Variants in KCNJ6 observed in about 807,000 individuals in gnomAD.
KCNJ6 encodes G protein-activated inward rectifier potassium channel 2.
In KCNJ6, 9 loss-of-function variants were observed where a neutral mutation model predicts 34.2. The observed-to-expected ratio is 0.26, with a 90% CI of 0.16 to 0.46. KCNJ6 has a LOEUF of 0.46. Among genes scored for constraint, KCNJ6 ranks in the 20% least tolerant of loss-of-function variants. The pLI, the probability that KCNJ6 is intolerant of heterozygous loss-of-function variation, is 1.00. For synonymous variants in KCNJ6, 196 were observed against 207.1 expected, an observed-to-expected ratio of 0.95 and a Z score of 0.46; for missense variants, 236 against 531.3, an observed-to-expected ratio of 0.44 and a Z score of 5.46.
intron 2 of KCNJ6, among the ~76,000 whole-genome samples, chr21:37,839,534 G>A (rs1184881096): frequency 6.6e-6 from 1 of 152,238 alleles, no homozygotes; most frequent in Non-Finnish European, 1.5e-5. Flanking sequence ...ATTAGAGGAG[G>A]AGGAAGGTGC....
At position 37,714,773 on chromosome 21, in the gene KCNJ6, G is replaced by A; in HGVS notation, c.384C>T (p.Ser128=). ...TGAGGTTGGTAACACAAGGAGTCCA[G>A]GAGGGGTCCTCTATGTGGTCCATGT... ...RGDMDHIEDP[S]WTPCVTNLNG... Residue 128 remains serine (S), a synonymous_variant, in exon 3 of 4, where the codon TCC becomes TCT. Coordinates refer to ENST00000609713, the MANE Select transcript of KCNJ6 (RefSeq NM_002240.5). The surrounding 1 kb of genome is among the most constrained non-coding windows in gnomAD (Gnocchi z 5.9). The A allele has an allele frequency of 6.2e-7, 1 of 1,614,202 alleles. No homozygotes were observed. The highest frequency in any genetic ancestry group is 8.5e-7 in the Non-Finnish European group (1 of 1,180,036).
At chr21:37,767,662 T>C (rs1426281499) in intron 2 of KCNJ6, among the ~76,000 whole-genome samples, 1 of 152,212 alleles carries the variant, frequency 6.6e-6, no homozygotes, top group Non-Finnish European at 1.5e-5. Context: ...GGAATTAATT[T>C]AAAATGATTT....
At chr21:37,774,687 T>G (rs1343958374) in intron 2 of KCNJ6, among the ~76,000 whole-genome samples, 1 of 152,224 alleles carries the variant, frequency 6.6e-6, no homozygotes, top group Non-Finnish European at 1.5e-5. Context: ...ACTCATCATG[T>G]GTTATGGCTG....
At chr21:37,666,242 C>G (rs1356686291) in intron 3 of KCNJ6, among the ~76,000 whole-genome samples, 1 of 152,146 alleles carries the variant, frequency 6.6e-6, no homozygotes, top group Non-Finnish European at 1.5e-5. Context: ...CCCAAGAACC[C>G]CTAGTTCTGG....
At chr21:37,672,244 A>G (rs985872862) in intron 3 of KCNJ6, among the ~76,000 whole-genome samples, 22 of 152,256 alleles carry the variant, frequency 1.4e-4, no homozygotes, top group African/African-American at 4.8e-4. Context: ...GCAAAGAAAT[A>G]TAGCTTTAGC....
At chr21:37,837,236 A>G (rs1285380724) in intron 2 of KCNJ6, among the ~76,000 whole-genome samples, 1 of 151,908 alleles carries the variant, frequency 6.6e-6, no homozygotes, top group Admixed American at 6.5e-5. Context: ...TCCTCGTTTC[A>G]ATAATGTGAC....
At chr21:37,677,860 C>T (rs1324769049) in intron 3 of KCNJ6, among the ~76,000 whole-genome samples, 2 of 151,340 alleles carry the variant, frequency 1.3e-5, no homozygotes, top group Non-Finnish European at 2.9e-5. Flanking sequence ...CATTCATCAA[C>T]CCATTCATCA....
intron 2 of KCNJ6, among the ~76,000 whole-genome samples, chr21:37,739,606 C>A (rs565399630): frequency 2.2e-4 from 34 of 152,286 alleles, no homozygotes; most frequent in African/African-American, 8.2e-4. Context: ...GGAGCTGTGG[C>A]TACTTTAGCC....
Position 37,704,660 on chromosome 21 carries a change from G to GTCA in KCNJ6, c.946+9548_946+9550dup, listed in dbSNP as rs56195622. 4.1e-3 allele frequency among the ~76,000 whole-genome samples: 616 copies of GTCA among 150,576 alleles called. 1 individual carries two copies. The highest frequency in any genetic ancestry group is 0.013 in the African/African-American group (551 of 41,112). On this transcript the variant is annotated intron_variant, in intron 3 of 3. Coordinates refer to ENST00000609713, the MANE Select transcript of KCNJ6 (RefSeq NM_002240.5). ...TAGGATGGCCTCAGTATGAGTCGTC[G>GTCA]TCATCATCATCATCATCATCATCAT...
At chr21:37,638,375 G>A (rs77787095) in intron 3 of KCNJ6, among the ~76,000 whole-genome samples, 13,473 of 152,126 alleles carry the variant, frequency 0.089, 748 homozygotes, top group South Asian at 0.22. Context: ...TTGAACTTCC[G>A]ACCTCAGGTG....
In KCNJ6 at chr21:37,619,992, G is replaced by C. The variant is rs573946214; in HGVS notation, c.*5167C>G. The C allele has an allele frequency of 1.3e-5, 2 of 152,190 alleles. No individual in the cohort carries two copies. The highest frequency in any genetic ancestry group is 2.1e-4 in the South Asian group (1 of 4,824). 9.4% of individuals were successfully genotyped at this position (152,190 alleles called of 1,614,324 possible). On this transcript the variant is annotated 3_prime_UTR_variant, in exon 4 of 4. Transcript: ENST00000609713. ...TTTGAGACCCTAACTGAATGACTGGGCTCTCTAAGTCTTGTGAAGCAGTTG... is the reference window on the plus strand; with the variant it reads ...TTTGAGACCCTAACTGAATGACTGGCCTCTCTAAGTCTTGTGAAGCAGTTG...
At chr21:37,656,209 A>T (rs1354054218) in intron 3 of KCNJ6, among the ~76,000 whole-genome samples, 1 of 152,072 alleles carries the variant, frequency 6.6e-6, no homozygotes, top group East Asian at 1.9e-4. Context: ...AGCACAGGAG[A>T]TGCTGACTCC....
chr21:37,803,165 G>T (rs1215335650), intron 2 of KCNJ6, among the ~76,000 whole-genome samples: 1 of 152,172 alleles, frequency 6.6e-6, no homozygotes, highest in African/African-American at 2.4e-5. Flanking sequence ...CCTTAGGGCT[G>T]GTTGGAAGAA....
intron 3 of KCNJ6, among the ~76,000 whole-genome samples, chr21:37,661,357 A>C (rs765325157): frequency 6.6e-6 from 1 of 152,222 alleles, no homozygotes; most frequent in Non-Finnish European, 1.5e-5. Context: ...ATAACTTTCC[A>C]TGATTAATCA....
At chr21:37,773,663 C>G (rs765876858) in intron 2 of KCNJ6, among the ~76,000 whole-genome samples, 40 of 152,166 alleles carry the variant, frequency 2.6e-4, no homozygotes, top group Non-Finnish European at 5.0e-4. Flanking sequence ...AATTCATCAT[C>G]TCTATTTTTC....
chr21:37,856,545 C>T (rs1172885575), intron 1 of KCNJ6, among the ~76,000 whole-genome samples: 2 of 150,820 alleles, frequency 1.3e-5, no homozygotes, highest in South Asian at 2.1e-4. Flanking sequence ...GTGGAAAATG[C>T]CCTTGCTCTC....
rs556200581 is a variant in KCNJ6, at chr21:37,729,957, G to A, written c.26-14826C>T. The stretch of plus-strand genomic sequence containing the variant: ...ACACATGAAGAAAGTGAGGCCCAGG[G>A]AAGCCAACAGATTTGCCAGGAGGCA... On this transcript the variant is annotated intron_variant, in intron 2 of 3. Transcript: ENST00000609713. 4.0e-4 allele frequency among the ~76,000 whole-genome samples: 61 copies of A among 152,316 alleles called. 1 individual carries two copies. Among genetic ancestry groups the A allele is most frequent in the African/African-American group, 1.4e-3 (57 of 41,576 alleles).
rs2054272431 is a variant in KCNJ6, at chr21:37,617,051, T to TCTTTCTTTCTTTC, written c.*8107_*8108insGAAAGAAAGAAAG. On this transcript the variant is annotated 3_prime_UTR_variant, in exon 4 of 4. Coordinates refer to ENST00000609713, the MANE Select transcript of KCNJ6 (RefSeq NM_002240.5). Reference sequence around the variant, plus strand: ...TTCTTTCTTTCTTTCTTTCTTTCTTTCTTTTCTTTTCTTTTCTTTTCTTTT... The same window carrying TCTTTCTTTCTTTC: ...TTCTTTCTTTCTTTCTTTCTTTCTTTCTTTCTTTCTTTCCTTTTCTTTTCTTTTCTTTTCTTTT... 2.4e-5 allele frequency: 1 copy of TCTTTCTTTCTTTC among 41,224 alleles called. No homozygotes were observed. The highest frequency in any genetic ancestry group is 5.3e-5 in the Non-Finnish European group (1 of 18,998). The allele number at this position is 41,224 out of a possible 1,614,324, so 2.6% of individuals were successfully genotyped here. A position where few individuals can be genotyped will look rare whatever the true frequency, so the allele number is the denominator to read the frequency against.
At chr21:37,769,427 A>C (rs1297838540) in intron 2 of KCNJ6, among the ~76,000 whole-genome samples, 6 of 149,112 alleles carry the variant, frequency 4.0e-5, no homozygotes, top group African/African-American at 1.5e-4. Flanking sequence ...TATTATTATT[A>C]TTATTATTAT....
Sources: allele counts gnomAD v4.1 joint callset (sites outside exome capture counted in the v4.1 genomes callset), GRCh38; gene constraint gnomAD v4.1.1; non-coding constraint Gnocchi (gnomAD v3.1); transcripts MANE v1.5; gene names NCBI Gene and HGNC (gene_info 2026-07-23, HGNC 2026-07-21).